The following ACADVL variants were observed in gnomAD, a reference collection of about 807,000 sequenced individuals.
ACADVL encodes acyl-CoA dehydrogenase very long chain.
Under a neutral mutation model 80.4 loss-of-function variants are expected in ACADVL, and 73 were observed. The ratio of observed to expected loss-of-function variants is 0.91; its 90% CI spans 0.75 to 1.10. The LOEUF is 1.10. ACADVL is among the 50% of genes least tolerant of loss of function. ACADVL has a pLI of 0.00. For synonymous variants in ACADVL, 392 were observed against 326.5 expected (o/e 1.20, Z -2.16); for missense variants, 878 against 858.9 (o/e 1.02, Z -0.28).
At chr17:7,218,330 GGC>G (rs1276331863), upstream of ACADVL, 3 of 1,570,658 alleles carry the variant, frequency 1.9e-6, no homozygotes, top group East Asian at 7.0e-5. Context: ...GGCCTCTCCA[GGC>G]ACATCACCCC....
Position 7,225,183 on chromosome 17 carries a change from C to G in ACADVL, c.*86C>G. 1 of 1,583,908 alleles carries G rather than the reference C, an allele frequency of 6.3e-7. No individual in the cohort carries two copies. The highest frequency in any genetic ancestry group is 8.6e-7 in the Non-Finnish European group (1 of 1,159,216). On this transcript the variant is annotated 3_prime_UTR_variant, in exon 20 of 20. Transcript: ENST00000356839. ...CTTTCCTTAAGGCCCTGGTTTGTCC[C>G]GAAGGGGCCTAGTGTTCCCAGCACT...
upstream of ACADVL, chr17:7,218,778 A>C: frequency 6.2e-7 from 1 of 1,609,564 alleles, no homozygotes; most frequent in Non-Finnish European, 8.5e-7. Context: ...TCCGAGCCCC[A>C]GCCCCCCACT....
At chr17:7,222,369 G>A (rs2071273959) in intron 9 of ACADVL, 67 bp downstream of exon 9, 1 of 1,588,878 alleles carries the variant, frequency 6.3e-7, no homozygotes, top group Non-Finnish European at 8.6e-7. Flanking sequence ...GCAGATGGCT[G>A]TTGCAAGTCA....
At chr17:7,223,307 C>G (rs1394431855) in intron 11 of ACADVL, 70 bp downstream of exon 11, 2 of 1,382,358 alleles carry the variant, frequency 1.4e-6, no homozygotes, top group Non-Finnish European at 2.1e-6. Context: ...GACTACAACC[C>G]CCAGCAGCAC....
In ACADVL at chr17:7,220,794, T is replaced by TAAAGAGCTGGTGGAGCC. The variant is rs1597520263; in HGVS notation, c.307_323dup (p.Val109LysfsTer14). The TAAAGAGCTGGTGGAGCC allele has an allele frequency of 3.1e-6, 5 of 1,614,062 alleles. No homozygotes were observed. The highest frequency in any genetic ancestry group is 4.2e-6 in the Non-Finnish European group (5 of 1,180,036). On this transcript the variant is annotated frameshift_variant, in exon 5 of 20. Coordinates refer to ENST00000356839, the MANE Select transcript of ACADVL (RefSeq NM_000018.4). LOFTEE classifies it high-confidence loss of function. ...TCAACGAAGAGCAGACACAGTTTCT[T>TAAAGAGCTGGTGGAGCC]AAAGAGCTGGTGGAGCCTGTGTCCC...
upstream of ACADVL, chr17:7,218,103 C>A: frequency 1.3e-6 from 1 of 764,596 alleles, no homozygotes; most frequent in Non-Finnish European, 2.1e-6. Flanking sequence ...ATTCTCGGTG[C>A]CCCAAGTCCC....
chr17:7,224,167 G>A lies in ACADVL; in HGVS notation c.1456G>A (p.Gly486Arg). The change falls in exon 15 of 20, where the codon GGG (glycine) becomes AGG (arginine). Residue 486 changes from glycine (G) to arginine (R), a missense_variant. Transcript: ENST00000356839. ...GCMDKGKELSGLGSALKNPFG... is the reference protein window; with the variant it reads ...GCMDKGKELSRLGSALKNPFG... The stretch of plus-strand genomic sequence containing the variant: ...ATAGGACAAAGGAAAGGAGCTCTCT[G>A]GGCTTGGCAGTGCTCTAAAGAATCC... 6.2e-7 allele frequency: 1 copy of A among 1,614,140 alleles called. No individual in the cohort carries two copies. Among genetic ancestry groups the A allele is most frequent in the Non-Finnish European group, 8.5e-7 (1 of 1,180,032 alleles).
chr17:7,222,517 C>T, intron 9 of ACADVL, 150 bp from the exon 10 acceptor site: 8 of 1,152,124 alleles, frequency 6.9e-6, no homozygotes, highest in South Asian at 4.2e-5. Context: ...CCTCCTTAGC[C>T]CTCAGGGCCT....
chr17:7,222,287 T>C lies in ACADVL; in HGVS notation c.863T>C (p.Phe288Ser). ...KITAFVVERG[F>S]GGITHGPPEK... is the part of the protein sequence containing the mutation. The stretch of plus-strand genomic sequence containing the variant: ...ACAGCTTTTGTGGTGGAGAGGGGCT[T>C]CGGGGGCATTACCCAGTGAGTGAAT... Residue 288 changes from phenylalanine (F) to serine (S), a missense_variant, in exon 9 of 20, where the codon TTC becomes TCC. Transcript: ENST00000356839. The C allele has an allele frequency of 6.2e-7, 1 of 1,613,940 alleles. No homozygotes were observed. The highest frequency in any genetic ancestry group is 8.5e-7 in the Non-Finnish European group (1 of 1,179,960).
upstream of ACADVL, chr17:7,217,680 G>A (rs927321307): frequency 2.3e-5 from 33 of 1,455,214 alleles, no homozygotes; most frequent in African/African-American, 4.4e-4. Flanking sequence ...AATGGGGGGG[G>A]TGCCTTGGCA....
chr17:7,221,891 T>C (rs753435711), intron 7 of ACADVL, 61 bp from the exon 8 acceptor site: 4 of 1,613,018 alleles, frequency 2.5e-6, no homozygotes, highest in East Asian at 2.2e-5. Context: ...GATGGGGAAG[T>C]GGGCCGAGGG....
rs1407785671 is a variant in ACADVL, at chr17:7,223,142, G to A, written c.1087G>A (p.Ala363Thr). The A allele has an allele frequency of 6.2e-7, 1 of 1,613,264 alleles. No individual in the cohort carries two copies. Among genetic ancestry groups the A allele is most frequent in the African/African-American group, 1.3e-5 (1 of 74,922 alleles). Residue 363 changes from alanine to threonine, a missense_variant, in exon 11 of 20, where the codon GCC becomes ACC. Physicochemically the swap from Ala to Thr is moderately conservative, Grantham distance 58. Transcript: ENST00000356839. ...RGIIAKAVDHATNRTQFGEKI... is the reference protein window; with the variant it reads ...RGIIAKAVDHTTNRTQFGEKI... ...GTGGACCCTCTTCCAGGTAGATCAT[G>A]CCACTAATCGTACCCAGTTTGGGGA... is the stretch of plus-strand genomic sequence containing the variant.
At chr17:7,221,420 C>CACTGCCCTAGGTCAGGA (rs35999860) in intron 6 of ACADVL, 118 bp from the exon 7 acceptor site, 65 of 985,790 alleles carry the variant, frequency 6.6e-5, no homozygotes, top group South Asian at 2.6e-4. Context: ...CCAGGTCAGG[C>CACTGCCCTAGGTCAGGA]ACTGCCCTAG....
At chr17:7,217,746 C>G, upstream of ACADVL, 7 of 1,535,236 alleles carry the variant, frequency 4.6e-6, no homozygotes, top group Non-Finnish European at 6.1e-6. Flanking sequence ...GAGATAGAAG[C>G]AGAAGCACAG....
Position 7,225,190 on chromosome 17 carries a change from G to A in ACADVL, c.*93G>A, listed in dbSNP as rs1366467842. The stretch of plus-strand genomic sequence containing the variant: ...TAAGGCCCTGGTTTGTCCCGAAGGG[G>A]CCTAGTGTTCCCAGCACTGTGCCTG... On this transcript the variant is annotated 3_prime_UTR_variant, in exon 20 of 20. Coordinates refer to ENST00000356839, the MANE Select transcript of ACADVL (RefSeq NM_000018.4). 1 of 1,569,258 alleles carries A rather than the reference G, an allele frequency of 6.4e-7. No individual in the cohort carries two copies. Among genetic ancestry groups the A allele is most frequent in the East Asian group, 2.2e-5 (1 of 44,696 alleles).
rs759274087 is a variant in ACADVL at position 7,224,396 on chromosome 17, A to C, written c.1605+3A>C. Reference sequence around the variant, plus strand: ...AGTTGAGTCGGAGTGGCGAGCTGGTAAGTGGCCAGGGGTCCAGGAGAGCCT... The same window carrying C: ...AGTTGAGTCGGAGTGGCGAGCTGGTCAGTGGCCAGGGGTCCAGGAGAGCCT... On this transcript the variant is annotated splice_donor_region_variant and intron_variant, in intron 16 of 19. Coordinates refer to ENST00000356839, the MANE Select transcript of ACADVL (RefSeq NM_000018.4). 6 of 1,613,794 alleles carry C rather than the reference A, an allele frequency of 3.7e-6. No homozygotes were observed. The highest frequency in any genetic ancestry group is 5.1e-6 in the Non-Finnish European group (6 of 1,179,882).
In ACADVL at chr17:7,224,339, C is replaced by T. The variant is rs926496616; in HGVS notation, c.1551C>T (p.Ser517=). 11 of 1,613,634 alleles carry T rather than the reference C, an allele frequency of 6.8e-6. No homozygotes were observed. The highest frequency in any genetic ancestry group is 3.3e-5 in the South Asian group (3 of 91,068). ...CTCTCAGGCGGGCAGGGCTGGGCAG[C>T]GGCCTGAGTCTCAGCGGACTTGTCC... ...KQLRRRAGLG[S]GLSLSGLVHP... is the part of the protein sequence containing the mutation. Residue 517 remains serine (S), a synonymous_variant, in exon 16 of 20, where the codon AGC becomes AGT. Transcript: ENST00000356839.
At chr17:7,219,921 T>TGGGCGTGCAGGACGC (rs6145976), upstream of ACADVL, 876,564 of 1,554,922 alleles carry the variant, frequency 0.56, 250,780 homozygotes, top group Middle Eastern at 0.63. Flanking sequence ...CGCCAGGACG[T>TGGGCGTGCAGGACGC]GGGCGTGCAG....
chr17:7,219,974 G>T lies in ACADVL; in HGVS notation c.-11G>T, dbSNP rs780021266. 3.7e-5 allele frequency: 59 copies of T among 1,599,786 alleles called. No individual in the cohort carries two copies. In the East Asian group the frequency reaches 1.3e-3, roughly 35 times the overall value. ...AGAGCTCGAGCCAGCGGCGCCCGGA[G>T]AGATTCGGAGATGCAGGCGGCTCGG... On this transcript the variant is annotated 5_prime_UTR_variant, in exon 1 of 20. Transcript: ENST00000356839.
Sources: gnomAD v4.1 joint callset for allele counts on GRCh38, gnomAD v4.1.1 for gene constraint, MANE v1.5 for transcripts, NCBI Gene and HGNC (gene_info 2026-07-23, HGNC 2026-07-21) for gene names.